DNAH7: variants seen among roughly 807,000 people sequenced by gnomAD.
DNAH7 encodes dynein axonemal heavy chain 7.
DNAH7 carries 397 observed loss-of-function variants against 444.6 expected under a neutral mutation model. The observed-to-expected ratio is 0.89, with a 90% CI of 0.82 to 0.97. The LOEUF (loss-of-function observed/expected upper bound fraction) is 0.97, where lower values mean the gene tolerates loss of function less well. Among genes scored for constraint, DNAH7 ranks in the 50% least tolerant of loss-of-function variants. DNAH7 has a pLI of 0.00. For synonymous variants in DNAH7, 1,636 were observed against 1,624.4 expected (o/e 1.01, Z -0.17); for missense variants, 4,902 against 4,800.8 (o/e 1.02, Z -0.62).
intron 57 of DNAH7, among the ~76,000 whole-genome samples, chr2:195,794,020 T>A (rs1696019320): frequency 6.6e-6 from 1 of 152,152 alleles, no homozygotes; most frequent in African/African-American, 2.4e-5. Context: ...TCAGTTAATA[T>A]CCTGAAACAA....
Position 196,048,338 on chromosome 2 carries a change from C to T in DNAH7, c.208G>A (p.Glu70Lys), listed in dbSNP as rs906362680. 6 of 1,614,018 alleles carry T rather than the reference C, an allele frequency of 3.7e-6. No individual in the cohort carries two copies. Among genetic ancestry groups the T allele is most frequent in the Middle Eastern group, 1.6e-4 (1 of 6,062 alleles). Reference sequence around the variant, plus strand: ...TTAACACTAAATGGTTCTGGACTCTCATCATCCTGCTTTACACTCAAATGG... The same window carrying T: ...TTAACACTAAATGGTTCTGGACTCTTATCATCCTGCTTTACACTCAAATGG... ...SFHLSVKQDD[E>K]SPEPFSVKNE... The change falls in exon 4 of 65, where the codon GAG becomes AAG. Residue 70 changes from glutamate to lysine, a missense_variant. Glu to Lys is a moderately conservative substitution (Grantham distance 56, BLOSUM62 1). Transcript: ENST00000312428.
At chr2:195,782,292 G>A (rs185769068) in intron 58 of DNAH7, among the ~76,000 whole-genome samples, 210 of 152,212 alleles carry the variant, frequency 1.4e-3, no homozygotes, top group Non-Finnish European at 1.2e-3. Flanking sequence ...TCCACATTCC[G>A]CAAAGAATCC....
At chr2:195,987,289 A>G (rs1438479223) in intron 13 of DNAH7, 96 bp from the exon 14 acceptor site, 1 of 864,382 alleles carries the variant, frequency 1.2e-6, no homozygotes, top group East Asian at 2.9e-5. Context: ...TTTGTGTGTG[A>G]TGTAACAAGA....
chr2:195,842,154 A>C (rs1698727446), intron 47 of DNAH7, among the ~76,000 whole-genome samples: 1 of 152,066 alleles, frequency 6.6e-6, no homozygotes, highest in Non-Finnish European at 1.5e-5. Context: ...GGTCTGATCT[A>C]CTTACCAAGC....
At chr2:195,958,316 TTTTTCTCATGA>T (rs903032468) in intron 18 of DNAH7, among the ~76,000 whole-genome samples, 4 of 152,160 alleles carry the variant, frequency 2.6e-5, no homozygotes, top group Non-Finnish European at 5.9e-5. Context: ...AGTAAATATA[TTTTTCTCATGA>T]TTTTCTTAAT....
At chr2:195,740,654 C>T (rs9679469) in intron 64 of DNAH7, 112 bp downstream of exon 64, 686 of 47,700 alleles carry the variant, frequency 0.014, 10 homozygotes, top group Non-Finnish European at 0.026. Flanking sequence ...TACATATACA[C>T]ACACACATAT....
chr2:196,053,360 A>T (rs905767366), intron 2 of DNAH7, among the ~76,000 whole-genome samples: 4 of 152,258 alleles, frequency 2.6e-5, no homozygotes, highest in African/African-American at 9.6e-5. Context: ...TGCGGAAGAC[A>T]GTCTCAGTTT....
rs2125413581 is a variant in DNAH7 at position 195,936,586 on chromosome 2, G to A, written c.3272+13C>T. 3 of 1,560,568 alleles carry A rather than the reference G, an allele frequency of 1.9e-6. No individual in the cohort carries two copies. The highest frequency in any genetic ancestry group is 2.6e-6 in the Non-Finnish European group (3 of 1,160,632). ...ATAAATTTAGTCATGTATTCTACAT[G>A]TAAATTACTTACCTAGTGGGATCTT... On this transcript the variant is annotated intron_variant, in intron 20 of 64. Transcript: ENST00000312428.
rs2125143434 is a variant in DNAH7 at position 195,875,536 on chromosome 2, T to C, written c.6286+139A>G. ...ATAGAGTTGGTCATATGATACACTCTGTTAGGTCACAATAGATACACATAG... is the reference window on the plus strand; with the variant it reads ...ATAGAGTTGGTCATATGATACACTCCGTTAGGTCACAATAGATACACATAG... On this transcript the variant is annotated intron_variant, in intron 38 of 64. Transcript: ENST00000312428. The C allele has an allele frequency of 7.7e-6, 6 of 777,832 alleles. No homozygotes were observed. In the South Asian group the frequency reaches 1.1e-4, roughly 14 times the overall value. 48.2% of individuals were successfully genotyped at this position (777,832 alleles called of 1,614,324 possible). A position where few individuals can be genotyped will look rare whatever the true frequency, so the allele number is the denominator to read the frequency against.
intron 8 of DNAH7, 73 bp from the exon 9 acceptor site, chr2:196,019,368 T>C (rs1695229803): frequency 8.3e-7 from 1 of 1,199,208 alleles, no homozygotes; most frequent in Non-Finnish European, 1.1e-6. Flanking sequence ...TTTTGGGTAA[T>C]AATTATTTAA....
At chr2:195,968,985 A>C (rs1236165092) in intron 17 of DNAH7, among the ~76,000 whole-genome samples, 1 of 152,252 alleles carries the variant, frequency 6.6e-6, no homozygotes, top group Non-Finnish European at 1.5e-5. Flanking sequence ...TCTCTGCACC[A>C]CATGGGTGTT....
chr2:195,905,628 T>C (rs527622170), intron 27 of DNAH7: 12 of 152,214 alleles, frequency 7.9e-5, no homozygotes, highest in African/African-American at 2.4e-4. Context: ...CATTGCTGTC[T>C]GTATATGTGC....
intron 61 of DNAH7, among the ~76,000 whole-genome samples, chr2:195,768,853 T>C (rs1283618602): frequency 6.6e-6 from 1 of 152,228 alleles, no homozygotes; most frequent in Non-Finnish European, 1.5e-5. Context: ...AAATTTATTG[T>C]CATAATTTAC....
At chr2:195,748,594 G>A (rs1015144075) in intron 63 of DNAH7, among the ~76,000 whole-genome samples, 45 of 152,256 alleles carry the variant, frequency 3.0e-4, no homozygotes, top group African/African-American at 1.1e-3. Flanking sequence ...TATACTACAA[G>A]GCTACAGTAA....
intron 1 of DNAH7, among the ~76,000 whole-genome samples, chr2:196,058,733 C>T (rs550960034): frequency 4.6e-5 from 7 of 152,194 alleles, no homozygotes; most frequent in African/African-American, 1.7e-4. Flanking sequence ...GATTGGGAGA[C>T]TAATATTGTT....
intron 10 of DNAH7, among the ~76,000 whole-genome samples, chr2:196,012,309 A>T (rs76518202): frequency 9.3e-4 from 141 of 152,212 alleles, no homozygotes; most frequent in Admixed American, 3.1e-3. Context: ...ATCCAAGGAG[A>T]TATTCAATTA....
chr2:195,766,180 T>TTTTTTTTTTTTTTTTTTTTTTTC (rs1694576011), intron 61 of DNAH7, among the ~76,000 whole-genome samples: 1 of 119,504 alleles, frequency 8.4e-6, no homozygotes, highest in Non-Finnish European at 1.9e-5. Context: ...TTTTTTTTTT[T>TTTTTTTTTTTTTTTTTTTTTTTC]TTTTTTTTTT....
At chr2:195,744,144 C>T (rs1458985418) in intron 63 of DNAH7, among the ~76,000 whole-genome samples, 1 of 152,330 alleles carries the variant, frequency 6.6e-6, no homozygotes, top group Middle Eastern at 3.4e-3. Context: ...CCTGGAAAAT[C>T]GGGTCACTCC....
intron 42 of DNAH7, among the ~76,000 whole-genome samples, chr2:195,860,851 T>C (rs2125076319): frequency 6.6e-6 from 1 of 152,290 alleles, no homozygotes; most frequent in South Asian, 2.1e-4. Flanking sequence ...ATATAAATCA[T>C]GTGTCTGAGC....
Sources: gnomAD v4.1 joint callset for allele counts (sites outside exome capture counted in the v4.1 genomes callset) on GRCh38, gnomAD v4.1.1 for gene constraint, MANE v1.5 for transcripts, NCBI Gene and HGNC (gene_info 2026-07-23, HGNC 2026-07-21) for gene names.